Variants in IL18RAP observed in about 807,000 individuals in gnomAD.
The protein encoded by IL18RAP is interleukin 18 receptor accessory protein.
IL18RAP carries 37 observed loss-of-function variants against 58.1 expected under a neutral mutation model. The ratio of observed to expected loss-of-function variants is 0.64; its 90% CI spans 0.49 to 0.84. IL18RAP has a LOEUF of 0.84. Ranked by LOEUF, IL18RAP falls within the 40% of genes least tolerant of loss-of-function variation. The pLI, the probability that IL18RAP is intolerant of heterozygous loss-of-function variation, is 0.00. For synonymous variants in IL18RAP, 268 were observed against 257.5 expected (o/e 1.04, Z -0.39); for missense variants, 667 against 704.8 (o/e 0.95, Z 0.61).
chr2:102,435,506 G>T (rs150916652), intron 3 of IL18RAP, among the ~76,000 whole-genome samples: 1 of 152,180 alleles, frequency 6.6e-6, no homozygotes, highest in Non-Finnish European at 1.5e-5. Context: ...TGGACACAAT[G>T]AGTCTATGAT....
At position 102,444,298 on chromosome 2, in the gene IL18RAP, G is replaced by A. The variant is rs183648373; in HGVS notation, c.921-891G>A. 6.8e-3 allele frequency among the ~76,000 whole-genome samples: 1,039 copies of A among 152,294 alleles called. 11 individuals are homozygous for A. The highest frequency in any genetic ancestry group is 0.023 in the African/African-American group (970 of 41,558). Reference sequence around the variant, plus strand: ...GATATTGCATTAGAGTTCACAGTAGGAGAGTGTAGTCAAGAGGGTATGTTT... The same window carrying A: ...GATATTGCATTAGAGTTCACAGTAGAAGAGTGTAGTCAAGAGGGTATGTTT... On this transcript the variant is annotated intron_variant, in intron 6 of 9. Transcript: ENST00000687160.
rs554087471 is a variant in IL18RAP at position 102,446,972 on chromosome 2, T to C, written c.1073-98T>C. ...AATGATTTTGATAAAATAATAGAGC[T>C]GGAAAAGGTGCTGGGTGGGCCATAG... is the stretch of plus-strand genomic sequence containing the variant. On this transcript the variant is annotated intron_variant, in intron 7 of 9. Transcript: ENST00000687160. 2,968 of 1,261,726 alleles carry C rather than the reference T, an allele frequency of 2.4e-3. 43 individuals are homozygous for C. The South Asian group carries it at 0.024, about 10-fold the overall frequency. 78.2% of individuals were successfully genotyped at this position (1,261,726 alleles called of 1,614,324 possible). A position where few individuals can be genotyped will look rare whatever the true frequency, so the allele number is the denominator to read the frequency against.
chr2:102,450,548 G>C (rs146777386), intron 8 of IL18RAP, among the ~76,000 whole-genome samples: 2 of 152,278 alleles, frequency 1.3e-5, no homozygotes, highest in African/African-American at 4.8e-5. Context: ...CACTGCAGGT[G>C]CAAAGAAGGC....
Position 102,430,492 on chromosome 2 carries a change from A to C in IL18RAP, c.579+6078A>C, listed in dbSNP as rs536947160. 5.9e-5 allele frequency among the ~76,000 whole-genome samples: 9 copies of C among 152,094 alleles called. No homozygotes were observed. The South Asian group carries it at 1.9e-3, about 32-fold the overall frequency. ...AAGGCAGCATATAGCTGAATTTTTA[A>C]ATGTCTTTTGATTGGAGACATATTG... On this transcript the variant is annotated intron_variant, in intron 3 of 9. Transcript: ENST00000687160.
At position 102,434,480 on chromosome 2, in the gene IL18RAP, A is replaced by G. The variant is rs1399404198; in HGVS notation, c.580-2732A>G. The G allele has an allele frequency of 6.6e-5, 10 of 152,210 alleles. 1 individual carries two copies. Among genetic ancestry groups the G allele is most frequent in the Admixed American group, 6.5e-4 (10 of 15,288 alleles). The allele number at this position is 152,210 out of a possible 1,614,324, so 9.4% of individuals were successfully genotyped here. A position where few individuals can be genotyped will look rare whatever the true frequency, so the allele number is the denominator to read the frequency against. On this transcript the variant is annotated intron_variant, in intron 3 of 9. Coordinates refer to ENST00000687160, the MANE Select transcript of IL18RAP (RefSeq NM_001393487.1). ...TTTGAATGCCAACATATTAGCCATC[A>G]CACGCAGGTTTGTGAGGCATGTAGA...
Position 102,445,294 on chromosome 2 carries a change from C to T in IL18RAP, c.1026C>T (p.Ser342=), listed in dbSNP as rs967232550. Residue 342 remains serine, a synonymous_variant, in exon 7 of 10, where the codon TCC becomes TCT. Coordinates refer to ENST00000687160, the MANE Select transcript of IL18RAP (RefSeq NM_001393487.1). ...AGTTTGTTTGCTTTGTCCAGAACTC[C>T]ATTGGAAACACAACCCAGTCCGTCC... ...RRKFVCFVQN[S]IGNTTQSVQL... is the part of the protein sequence containing the mutation. 1.2e-6 allele frequency: 2 copies of T among 1,614,184 alleles called. 1 individual carries two copies. The highest frequency in any genetic ancestry group is 3.3e-5 in the Admixed American group (2 of 60,030).
chr2:102,425,523 T>C (rs1681885013), intron 3 of IL18RAP, among the ~76,000 whole-genome samples: 1 of 152,178 alleles, frequency 6.6e-6, no homozygotes, highest in Admixed American at 6.5e-5. Context: ...CTGGTCTCAA[T>C]AAAACCCTAA....
At chr2:102,428,262 C>T (rs1041682668) in intron 3 of IL18RAP, among the ~76,000 whole-genome samples, 3 of 151,638 alleles carry the variant, frequency 2.0e-5, no homozygotes, top group Non-Finnish European at 3.0e-5. Context: ...ATAGGGTTTG[C>T]ATTGAATGTG....
chr2:102,425,175 A>T (rs148800425), intron 3 of IL18RAP, among the ~76,000 whole-genome samples: 65 of 152,316 alleles, frequency 4.3e-4, no homozygotes, highest in African/African-American at 1.5e-3. Context: ...AACTATTTGA[A>T]GTTCAATACT....
At chr2:102,441,686 G>A (rs932663669) in intron 5 of IL18RAP, among the ~76,000 whole-genome samples, 1 of 152,088 alleles carries the variant, frequency 6.6e-6, no homozygotes, top group Non-Finnish European at 1.5e-5. Context: ...TCAGGAGTTT[G>A]AGACCAGCCT....
rs1682430233 is a variant in IL18RAP at position 102,432,372 on chromosome 2, A to G, written c.580-4840A>G. 1.9e-5 allele frequency: 3 copies of G among 154,362 alleles called. No homozygotes were observed. In the South Asian group the frequency reaches 6.1e-4, roughly 31 times the overall value. The allele number at this position is 154,362 out of a possible 1,614,324, so 9.6% of individuals were successfully genotyped here. A position where few individuals can be genotyped will look rare whatever the true frequency, so the allele number is the denominator to read the frequency against. On this transcript the variant is annotated intron_variant, in intron 3 of 9. Transcript: ENST00000687160. ...GCCTGATCAGAGGCAGTCACAGAGC[A>G]ATACCCTTGTGTCTTCCATTCACCC...
At position 102,452,175 on chromosome 2, in the gene IL18RAP, A is replaced by T; in HGVS notation, c.1794A>T (p.Glu598Asp). The T allele has an allele frequency of 6.2e-7, 1 of 1,600,474 alleles. No individual in the cohort carries two copies. Among genetic ancestry groups the T allele is most frequent in the Non-Finnish European group, 8.5e-7 (1 of 1,173,756 alleles). ...CTGGGAGGAGCTCCCAGCCTAAGGA[A>T]TGGTGAAATGAGCCCTGGAGCCCCC... ...ETTGRSSQPK[E>D]W is the part of the protein sequence containing the mutation. Residue 598 changes from glutamate to aspartate, a missense_variant, in exon 10 of 10, where the codon GAA becomes GAT. Glu to Asp is a conservative substitution (Grantham distance 45). Transcript: ENST00000687160.
chr2:102,423,913 A>G lies in IL18RAP; in HGVS notation c.173A>G (p.His58Arg), dbSNP rs746539787. The G allele has an allele frequency of 3.7e-6, 6 of 1,613,848 alleles. No individual in the cohort carries two copies. The South Asian group carries it at 4.4e-5, about 12-fold the overall frequency. Residue 58 changes from histidine (H) to arginine (R), a missense_variant, in exon 2 of 10, where the codon CAC (histidine) becomes CGC (arginine). Physicochemically the swap from His to Arg is conservative, Grantham distance 29. Transcript: ENST00000687160. The stretch of plus-strand genomic sequence containing the variant: ...GAGCCACAGAAATCACATTTCTGCC[A>G]CAGAAATCGACTCTCACCAAAACAA... ...LPEPQKSHFC[H>R]RNRLSPKQVP...
chr2:102,440,449 G>A (rs970785523), intron 4 of IL18RAP: 2 of 152,222 alleles, frequency 1.3e-5, no homozygotes, highest in African/African-American at 4.8e-5. Flanking sequence ...GCGGAAATCA[G>A]GTTCCATAGG....
intron 8 of IL18RAP, among the ~76,000 whole-genome samples, chr2:102,447,592 A>G (rs1368314859): frequency 6.6e-6 from 1 of 152,170 alleles, no homozygotes; most frequent in Non-Finnish European, 1.5e-5. Flanking sequence ...ATGAGTGAAT[A>G]TCTCTGTGCC....
In IL18RAP at chr2:102,437,242, A is replaced by T. The variant is rs1425133597; in HGVS notation, c.610A>T (p.Asn204Tyr). 6.2e-7 allele frequency: 1 copy of T among 1,612,914 alleles called. No homozygotes were observed. Residue 204 changes from asparagine (N) to tyrosine (Y), a missense_variant, in exon 4 of 10, where the codon AAC becomes TAC. Physicochemically the swap from Asn to Tyr is moderately radical, Grantham distance 143 (BLOSUM62 -2). Coordinates refer to ENST00000687160, the MANE Select transcript of IL18RAP (RefSeq NM_001393487.1). ...AAAACTCCTCTCTGTGGAAAGGAGCAACCGAATCGTAGTGGATGAAGTTTA... is the reference window on the plus strand; with the variant it reads ...AAAACTCCTCTCTGTGGAAAGGAGCTACCGAATCGTAGTGGATGAAGTTTA... Reference protein sequence around the residue: ...NGKLLSVERSNRIVVDEVYDY... With the variant: ...NGKLLSVERSYRIVVDEVYDY...
At chr2:102,438,041 G>A (rs897795316) in intron 4 of IL18RAP, among the ~76,000 whole-genome samples, 1 of 152,174 alleles carries the variant, frequency 6.6e-6, no homozygotes, top group African/African-American at 2.4e-5. Context: ...GTTAAGTGGA[G>A]CTTTGTTTTT....
chr2:102,435,416 G>T (rs889047291), intron 3 of IL18RAP: 3 of 152,154 alleles, frequency 2.0e-5, no homozygotes, highest in Admixed American at 6.5e-5. Context: ...TAGCATATTT[G>T]GTGTTTTTCT....
upstream of IL18RAP, among the ~76,000 whole-genome samples, chr2:102,422,214 G>A (rs1350251845): frequency 6.6e-6 from 1 of 152,150 alleles, no homozygotes; most frequent in African/African-American, 2.4e-5. Flanking sequence ...TCCTTCTCAT[G>A]CCCAACTCCT....
Sources: allele counts gnomAD v4.1 joint callset (sites outside exome capture counted in the v4.1 genomes callset), GRCh38; gene constraint gnomAD v4.1.1; transcripts MANE v1.5; gene names NCBI Gene and HGNC (gene_info 2026-07-23, HGNC 2026-07-21).